The following TEX11 variants were observed in gnomAD, a reference collection of about 807,000 sequenced individuals.
TEX11 encodes the protein testis expressed 11, also known as testis-expressed protein 11.
TEX11 carries 7 observed loss-of-function variants against 84.4 expected under a neutral mutation model. That is an observed-to-expected ratio of 0.08 (90% confidence interval 0.05 to 0.16). The LOEUF is 0.16. Among genes scored for constraint, TEX11 ranks in the 10% least tolerant of loss-of-function variants. The pLI is 1.00. For synonymous variants in TEX11, 264 were observed against 222.8 expected (o/e 1.18, Z -1.64); for missense variants, 551 against 660.5 (o/e 0.83, Z 1.82).
chrX:70,740,755 C>A lies in TEX11; in HGVS notation c.789G>T (p.Trp263Cys). The change falls in exon 11 of 30, where the codon TGG (tryptophan) becomes TGT (cysteine). Residue 263 changes from tryptophan to cysteine, a missense_variant. Coordinates refer to ENST00000374333, the MANE Select transcript of TEX11 (RefSeq NM_031276.3). ...LRLLATNYLD[W>C]DDTKYYDKAL... ...CCTTATCATAATATTTGGTGTCATCCCAATCCAAATAATTCGTGGCTAATA... is the reference window on the plus strand; with the variant it reads ...CCTTATCATAATATTTGGTGTCATCACAATCCAAATAATTCGTGGCTAATA... The A allele has an allele frequency of 8.3e-7, 1 of 1,198,180 alleles. No individual in the cohort carries two copies. Among genetic ancestry groups the A allele is most frequent in the Non-Finnish European group, 1.1e-6 (1 of 888,028 alleles).
At chrX:70,889,802 A>G (rs2091727814) in intron 2 of TEX11, among the ~76,000 whole-genome samples, 1 of 112,007 alleles carries the variant, frequency 8.9e-6, no homozygotes. Context: ...CACACAAAAA[A>G]TAAAAAGCAA....
At chrX:70,632,068 T>C (rs1408227060) in intron 17 of TEX11, among the ~76,000 whole-genome samples, 1 of 96,568 alleles carries the variant, frequency 1.0e-5, no homozygotes, top group African/African-American at 3.8e-5. Context: ...GCTTGGCTTC[T>C]AAATTAGCCT....
chrX:70,908,518 T>C (rs922131488), intron 1 of TEX11, 136 bp downstream of exon 1: 1 of 112,462 alleles, frequency 8.9e-6, no homozygotes, highest in African/African-American at 3.2e-5. Context: ...AGTTCTGTAG[T>C]ACAAAGTCAC....
intron 9 of TEX11, among the ~76,000 whole-genome samples, chrX:70,745,612 T>TA (rs1051729417): frequency 7.2e-5 from 8 of 111,533 alleles, no homozygotes; most frequent in Non-Finnish European, 1.5e-4. Flanking sequence ...CACATGCCTG[T>TA]AATCTCAGCT....
intron 4 of TEX11, among the ~76,000 whole-genome samples, chrX:70,870,436 C>T (rs1046719410): frequency 2.7e-5 from 3 of 110,824 alleles, no homozygotes; most frequent in Admixed American, 9.6e-5. Flanking sequence ...CCTGGGTTCA[C>T]GCCATTCTCC....
At chrX:70,853,902 C>T (rs759401725) in intron 5 of TEX11, among the ~76,000 whole-genome samples, 6 of 111,819 alleles carry the variant, frequency 5.4e-5, no homozygotes, top group Non-Finnish European at 1.1e-4. Context: ...TTCCTCCCTC[C>T]TCTCCAGAAA....
At chrX:70,843,797 A>T (rs763090363) in intron 7 of TEX11, among the ~76,000 whole-genome samples, 52 of 112,200 alleles carry the variant, frequency 4.6e-4, no homozygotes, top group African/African-American at 1.7e-3. Flanking sequence ...AAGTGGGCGA[A>T]GGATATGAAG....
chrX:70,554,426 G>A (rs2088259834), intron 26 of TEX11, among the ~76,000 whole-genome samples: 1 of 111,638 alleles, frequency 9.0e-6, no homozygotes, highest in Non-Finnish European at 1.9e-5. Context: ...AGTAATTATT[G>A]TTTATGACCC....
chrX:70,682,305 A>T (rs1180057626), intron 14 of TEX11, among the ~76,000 whole-genome samples: 2 of 111,401 alleles, frequency 1.8e-5, no homozygotes, highest in Non-Finnish European at 3.8e-5. Context: ...GTTCACAATC[A>T]TCATTTTATA....
At chrX:70,827,315 T>C (rs775597768) in intron 8 of TEX11, among the ~76,000 whole-genome samples, 5 of 111,647 alleles carry the variant, frequency 4.5e-5, no homozygotes, top group Non-Finnish European at 7.5e-5. Flanking sequence ...AAGTGCTGGC[T>C]TCAGGGGACA....
At chrX:70,829,481 C>CAAAAAAAAAAA (rs60664977) in intron 8 of TEX11, among the ~76,000 whole-genome samples, 1 of 72,929 alleles carries the variant, frequency 1.4e-5, no homozygotes. Flanking sequence ...CATTCCGTCT[C>CAAAAAAAAAAA]AAAAAAAAAA....
At chrX:70,610,861 T>C (rs2089252673) in intron 20 of TEX11, among the ~76,000 whole-genome samples, 1 of 112,079 alleles carries the variant, frequency 8.9e-6, no homozygotes. Context: ...ATTTATAAGC[T>C]TTTTTGAAGG....
At chrX:70,710,964 G>A (rs1259711335) in intron 13 of TEX11, among the ~76,000 whole-genome samples, 11 of 105,080 alleles carry the variant, frequency 1.0e-4, no homozygotes, top group African/African-American at 3.8e-4. Flanking sequence ...ACAGGCCCCA[G>A]TGTGTGATGT....
At chrX:70,906,714 G>C (rs1435303120) in intron 2 of TEX11, among the ~76,000 whole-genome samples, 2 of 111,174 alleles carry the variant, frequency 1.8e-5, no homozygotes, top group African/African-American at 6.5e-5. Context: ...TTGAACTCAG[G>C]AGGCAGAGGT....
At chrX:70,732,077 G>C (rs1212128696) in intron 11 of TEX11, among the ~76,000 whole-genome samples, 90 of 111,760 alleles carry the variant, frequency 8.1e-4, no homozygotes, top group South Asian at 2.3e-3. Context: ...AATAGATGCA[G>C]AAAAGGCCTT....
intron 11 of TEX11, among the ~76,000 whole-genome samples, chrX:70,727,405 T>A (rs186036328): frequency 3.0e-3 from 336 of 111,577 alleles, no homozygotes; most frequent in Non-Finnish European, 4.8e-3. Flanking sequence ...TACAGAATAA[T>A]AATAAAACAA....
intron 13 of TEX11, among the ~76,000 whole-genome samples, chrX:70,718,499 A>T (rs751107260): frequency 4.8e-4 from 54 of 112,178 alleles, no homozygotes; most frequent in Non-Finnish European, 8.6e-4. Context: ...ACTTATGAGC[A>T]CTTTCGCGAG....
rs771947947 is a variant in TEX11, at chrX:70,783,369, G to A, written c.692+23336C>T. On this transcript the variant is annotated intron_variant, in intron 9 of 29. Transcript: ENST00000374333. ...AATTTATACCACTAAACGCCCACAAGAGAAAGCAGGAAAGATCTAAAATCG... is the reference window on the plus strand; with the variant it reads ...AATTTATACCACTAAACGCCCACAAAAGAAAGCAGGAAAGATCTAAAATCG... 1.6e-4 allele frequency among the ~76,000 whole-genome samples: 18 copies of A among 111,771 alleles called. No homozygotes were observed. The South Asian group carries it at 6.0e-3, about 37-fold the overall frequency.
chrX:70,542,292 G>T (rs973464089), intron 28 of TEX11, among the ~76,000 whole-genome samples: 1 of 111,081 alleles, frequency 9.0e-6, no homozygotes, highest in Non-Finnish European at 1.9e-5. Flanking sequence ...GACCGTCTAT[G>T]GGGAAGCAGA....
Sources: allele counts gnomAD v4.1 joint callset (sites outside exome capture counted in the v4.1 genomes callset), GRCh38; gene constraint gnomAD v4.1.1; transcripts MANE v1.5; gene names NCBI Gene and HGNC (gene_info 2026-07-23, HGNC 2026-07-21).